The following WDR26 variants were observed in gnomAD, a reference collection of about 807,000 sequenced individuals.
The protein encoded by WDR26 is WD repeat domain 26.
Under a neutral mutation model 84.1 loss-of-function variants are expected in WDR26, and 5 were observed. The observed-to-expected ratio is 0.06, with a 90% CI of 0.03 to 0.13. The LOEUF is 0.13. Ranked by LOEUF, WDR26 falls within the 10% of genes least tolerant of loss-of-function variation. The pLI is 1.00. For synonymous variants in WDR26, 415 were observed against 389.6 expected, an observed-to-expected ratio of 1.07 and a Z score of -0.77; for missense variants, 642 against 974.9, an observed-to-expected ratio of 0.66 and a Z score of 4.55.
intron 7 of WDR26, among the ~76,000 whole-genome samples, chr1:224,409,516 T>C (rs1401945682): frequency 6.6e-6 from 1 of 152,218 alleles, no homozygotes; most frequent in Non-Finnish European, 1.5e-5. Context: ...GTTTGTAGCA[T>C]ACATAGGTAT....
At chr1:224,427,828 A>T (rs1674271787) in intron 3 of WDR26, among the ~76,000 whole-genome samples, 1 of 152,192 alleles carries the variant, frequency 6.6e-6, no homozygotes, top group African/African-American at 2.4e-5. Context: ...GAAAGCAAAG[A>T]CCCTTTAATT....
intron 8 of WDR26, among the ~76,000 whole-genome samples, chr1:224,402,286 CTATT>C (rs910382350): frequency 8.5e-5 from 13 of 152,290 alleles, no homozygotes; most frequent in African/African-American, 3.1e-4. Context: ...CTACTCTCCC[CTATT>C]TACTCTTTTG....
In WDR26 at chr1:224,398,080, A is replaced by G. The variant is rs1262444044; in HGVS notation, c.2074+17T>C. 5.6e-6 allele frequency: 9 copies of G among 1,610,690 alleles called. No homozygotes were observed. Among genetic ancestry groups the G allele is most frequent in the African/African-American group, 2.7e-5 (2 of 74,756 alleles). ...CTTTAATATCAACATATGTAAACTG[A>G]TAAGGACACAATTTACCTTCACTGC... On this transcript the variant is annotated intron_variant, in intron 12 of 13. Coordinates refer to ENST00000414423, the MANE Select transcript of WDR26 (RefSeq NM_001379403.1).
At chr1:224,403,802 T>C (rs1371841000) in intron 8 of WDR26, among the ~76,000 whole-genome samples, 1 of 152,132 alleles carries the variant, frequency 6.6e-6, no homozygotes, top group Non-Finnish European at 1.5e-5. Flanking sequence ...CCAGGCGTTG[T>C]GGCGGGTGCC....
intron 9 of WDR26, 89 bp downstream of exon 9, chr1:224,400,861 G>A (rs1673393256): frequency 6.5e-7 from 1 of 1,536,502 alleles, no homozygotes; most frequent in Admixed American, 1.9e-5. Context: ...AGTATACTTT[G>A]TAAGATACTG....
intron 6 of WDR26, among the ~76,000 whole-genome samples, chr1:224,415,707 C>T (rs1275118337): frequency 2.0e-5 from 3 of 152,062 alleles, no homozygotes; most frequent in Admixed American, 6.6e-5. Flanking sequence ...GTGATCCACT[C>T]GCCTCGGCCC....
chr1:224,419,476 T>C (rs1294450981), intron 5 of WDR26, 42 bp downstream of exon 5: 1 of 1,426,774 alleles, frequency 7.0e-7, no homozygotes, highest in Non-Finnish European at 9.9e-7. Flanking sequence ...CCATTTGTAA[T>C]CTAAGAGAAA....
At chr1:224,428,468 T>A (rs1217900181) in intron 3 of WDR26, among the ~76,000 whole-genome samples, 2 of 152,190 alleles carry the variant, frequency 1.3e-5, no homozygotes, top group Non-Finnish European at 2.9e-5. Flanking sequence ...AGATGCCAAT[T>A]TTTCTTAAGC....
At chr1:224,410,223 G>T (rs1026270999) in intron 7 of WDR26, among the ~76,000 whole-genome samples, 1 of 146,212 alleles carries the variant, frequency 6.8e-6, no homozygotes, top group African/African-American at 2.5e-5. Context: ...GGAGGTTGCA[G>T]TGAGCCAAGA....
intron 6 of WDR26, among the ~76,000 whole-genome samples, chr1:224,416,660 C>G (rs1673912755): frequency 6.6e-6 from 1 of 152,162 alleles, no homozygotes; most frequent in South Asian, 2.1e-4. Context: ...GTCATGTTCC[C>G]ATAGATTCCA....
At position 224,434,220 on chromosome 1, in the gene WDR26, G is replaced by GGAGGAGGAC. The variant is rs1340122865; in HGVS notation, c.177_185dup (p.Ser65_Ser67dup). 1.4e-6 allele frequency: 2 copies of GGAGGAGGAC among 1,396,894 alleles called. No homozygotes were observed. The highest frequency in any genetic ancestry group is 2.9e-5 in the African/African-American group (2 of 67,812). 86.5% of individuals were successfully genotyped at this position (1,396,894 alleles called of 1,614,324 possible). A position where few individuals can be genotyped will look rare whatever the true frequency, so the allele number is the denominator to read the frequency against. On this transcript the variant is annotated inframe_insertion, in exon 1 of 14. Transcript: ENST00000414423. The stretch of plus-strand genomic sequence containing the variant: ...CTACCACCACGGAGGAGGAGGAGGA[G>GGAGGAGGAC]GAGGAGGACGAGGACGACGAGGACG...
intron 3 of WDR26, among the ~76,000 whole-genome samples, chr1:224,429,096 C>T (rs1170594942): frequency 8.6e-5 from 13 of 151,556 alleles, no homozygotes; most frequent in African/African-American, 3.2e-4. Flanking sequence ...ACCCCATCTA[C>T]ACTAAAAATA....
At position 224,434,069 on chromosome 1, in the gene WDR26, C is replaced by T; in HGVS notation, c.337G>A (p.Gly113Ser). ...CCTCCTCCTCCACCGCCGCCGCCGC[C>T]ACCTCCTCCTCCTCCTCCTGCCCCA... Residue 113 changes from glycine to serine, a missense_variant, in exon 1 of 14, where the codon GGC (glycine) becomes AGC (serine). Physicochemically the swap from Gly to Ser is moderately conservative, Grantham distance 56 (BLOSUM62 0). This residue lies in a region of WDR26 where 291 missense variants were observed against 302.1 expected (regional missense o/e 0.96). Transcript: ENST00000414423. 1 of 1,449,694 alleles carries T rather than the reference C, an allele frequency of 6.9e-7. No homozygotes were observed. Among genetic ancestry groups the T allele is most frequent in the Non-Finnish European group, 9.0e-7 (1 of 1,106,710 alleles). The allele number at this position is 1,449,694 out of a possible 1,614,324, so 89.8% of individuals were successfully genotyped here.
intron 7 of WDR26, among the ~76,000 whole-genome samples, chr1:224,407,151 A>AAAATATATATATATATATAT: frequency 4.2e-4 from 5 of 11,872 alleles, no homozygotes; most frequent in African/African-American, 7.8e-4. Flanking sequence ...AAAAAAAAAA[A>AAAATATATATATATATATAT]ATATATATAT....
intron 1 of WDR26, among the ~76,000 whole-genome samples, chr1:224,432,027 A>C (rs1205630211): frequency 1.3e-5 from 2 of 152,222 alleles, no homozygotes; most frequent in Non-Finnish European, 2.9e-5. Context: ...TTTGCCATTT[A>C]ATGCCTCAAT....
chr1:224,401,671 C>CAAAAAAAAAAAAAAAAAGAAAAA (rs1673417301), intron 8 of WDR26, among the ~76,000 whole-genome samples: 2 of 49,642 alleles, frequency 4.0e-5, no homozygotes, highest in East Asian at 5.4e-4. Context: ...GAGACTGTCT[C>CAAAAAAAAAAAAAAAAAGAAAAA]AAAAAAAAAA....
chr1:224,398,060 A>G (rs1043014528), intron 12 of WDR26, 37 bp downstream of exon 12: 4 of 1,594,078 alleles, frequency 2.5e-6, no homozygotes, highest in South Asian at 1.2e-5. Flanking sequence ...ACAGACTTTA[A>G]TATCAACATA....
intron 5 of WDR26, 101 bp from the exon 6 acceptor site, chr1:224,418,517 A>T: frequency 8.8e-7 from 1 of 1,141,186 alleles, no homozygotes. Flanking sequence ...CTACCCCAAT[A>T]GTATCTATTC....
chr1:224,412,654 A>G (rs1312255068), intron 6 of WDR26, among the ~76,000 whole-genome samples: 3 of 152,208 alleles, frequency 2.0e-5, no homozygotes, highest in East Asian at 1.9e-4. Flanking sequence ...TCCAACCTCT[A>G]TATCAACTGT....
Sources: allele counts gnomAD v4.1 joint callset (sites outside exome capture counted in the v4.1 genomes callset), GRCh38; gene constraint gnomAD v4.1.1; regional missense constraint gnomAD v4.1.1; transcripts MANE v1.5; gene names NCBI Gene and HGNC (gene_info 2026-07-23, HGNC 2026-07-21).